NAA25: variants seen among roughly 807,000 people sequenced by gnomAD.
The protein encoded by NAA25 is N-alpha-acetyltransferase 25, NatB auxiliary subunit.
Under a neutral mutation model 132.5 loss-of-function variants are expected in NAA25, and 30 were observed. That is an observed-to-expected ratio of 0.23 (90% CI 0.17 to 0.31). The LOEUF is 0.31. Among genes scored for constraint, NAA25 ranks in the 10% least tolerant of loss-of-function variants. The pLI is 1.00. For synonymous variants in NAA25, 359 were observed against 401.9 expected, an observed-to-expected ratio of 0.89 and a Z score of 1.28; for missense variants, 771 against 1,150.4, an observed-to-expected ratio of 0.67 and a Z score of 4.77.
At chr12:112,089,601 C>T (rs2079102617) in intron 3 of NAA25, among the ~76,000 whole-genome samples, 1 of 151,892 alleles carries the variant, frequency 6.6e-6, no homozygotes, top group African/African-American at 2.4e-5. Flanking sequence ...TAATGTATTA[C>T]TAAGAGAAAT....
In NAA25 at chr12:112,043,666, T is replaced by A; in HGVS notation, c.2209A>T (p.Thr737Ser). ...ATAAATCGCTTTCCTGTCTCCAGGG[T>A]TGCCTCCAGCTGTTGAAGGAGCAAA... ...LRLLLQQLEA[T>S]LETGKRFIEK... The change falls in exon 18 of 24, where the codon ACC (threonine) becomes TCC (serine). Residue 737 changes from threonine to serine, a missense_variant. This residue lies in a region of NAA25 where 324 missense variants were observed against 400.0 expected (regional missense o/e 0.81). Transcript: ENST00000261745. The A allele has an allele frequency of 1.2e-6, 2 of 1,614,190 alleles. No homozygotes were observed. Among genetic ancestry groups the A allele is most frequent in the Non-Finnish European group, 1.7e-6 (2 of 1,180,038 alleles).
At chr12:112,057,102 C>T (rs922279365) in intron 13 of NAA25, among the ~76,000 whole-genome samples, 8 of 152,018 alleles carry the variant, frequency 5.3e-5, no homozygotes, top group Non-Finnish European at 1.2e-4. Context: ...GCAGGAGAAT[C>T]GCTTGAACTT....
chr12:112,039,124 T>C, intron 22 of NAA25, 105 bp downstream of exon 22: 2 of 568,102 alleles, frequency 3.5e-6, no homozygotes, highest in Non-Finnish European at 3.0e-6. Flanking sequence ...TGGAGAAGCT[T>C]GGCATATAGG....
chr12:112,103,978 T>C (rs1241816901), intron 1 of NAA25, among the ~76,000 whole-genome samples: 10 of 152,136 alleles, frequency 6.6e-5, no homozygotes, highest in African/African-American at 2.2e-4. Flanking sequence ...CACCTCCTAC[T>C]GTGCGGCCCA....
chr12:112,108,072 T>A (rs2079390304), intron 1 of NAA25, among the ~76,000 whole-genome samples: 1 of 151,580 alleles, frequency 6.6e-6, no homozygotes, highest in East Asian at 2.0e-4. Context: ...GCTATCACAA[T>A]CTCTTCACCG....
intron 18 of NAA25, 106 bp from the exon 19 acceptor site, chr12:112,043,317 TA>T: frequency 8.5e-7 from 1 of 1,174,692 alleles, no homozygotes; most frequent in Non-Finnish European, 1.2e-6. Flanking sequence ...GCGGTTCAGC[TA>T]AAAGCCACTA....
chr12:112,078,803 A>G (rs2078929534), intron 5 of NAA25, 62 bp from the exon 6 acceptor site: 3 of 1,265,186 alleles, frequency 2.4e-6, no homozygotes, highest in East Asian at 2.3e-5. Flanking sequence ...TGATATTAAC[A>G]TTACTGTTAA....
intron 18 of NAA25, 35 bp downstream of exon 18, chr12:112,043,590 T>C (rs2078332503): frequency 1.9e-6 from 3 of 1,606,906 alleles, no homozygotes; most frequent in Non-Finnish European, 2.6e-6. Context: ...AATATAATTA[T>C]TGCAACTTTG....
chr12:112,038,478 G>T (rs1057291487), intron 22 of NAA25, among the ~76,000 whole-genome samples: 1 of 152,118 alleles, frequency 6.6e-6, no homozygotes, highest in African/African-American at 2.4e-5. Flanking sequence ...ACAAATGAGA[G>T]ATAAAACAAA....
intron 17 of NAA25, among the ~76,000 whole-genome samples, chr12:112,046,118 T>C (rs1399738381): frequency 6.6e-6 from 1 of 152,240 alleles, no homozygotes; most frequent in Non-Finnish European, 1.5e-5. Flanking sequence ...TGACTCGCTG[T>C]GCCTAGATTG....
intron 1 of NAA25, among the ~76,000 whole-genome samples, chr12:112,094,008 G>A (rs1247454187): frequency 6.6e-6 from 1 of 152,062 alleles, no homozygotes; most frequent in African/African-American, 2.4e-5. Flanking sequence ...GGGAGGCTGA[G>A]GTGGGTGGAT....
intron 23 of NAA25, among the ~76,000 whole-genome samples, chr12:112,030,806 T>C (rs1370089480): frequency 6.6e-6 from 1 of 152,190 alleles, no homozygotes; most frequent in African/African-American, 2.4e-5. Flanking sequence ...CGGTAACATA[T>C]GTAAAAGCAA....
chr12:112,068,557 T>C (rs775394638), intron 11 of NAA25, among the ~76,000 whole-genome samples: 2 of 151,842 alleles, frequency 1.3e-5, no homozygotes, highest in Non-Finnish European at 2.9e-5. Flanking sequence ...AAAGGATATA[T>C]GAGATGTGTT....
intron 11 of NAA25, chr12:112,064,053 A>G (rs539850577): frequency 6.6e-6 from 1 of 152,154 alleles, no homozygotes; most frequent in African/African-American, 2.4e-5. Context: ...CAGTATATGT[A>G]ATTTTTTGAT....
chr12:112,037,892 G>A (rs538476603), intron 22 of NAA25, among the ~76,000 whole-genome samples: 13 of 151,856 alleles, frequency 8.6e-5, no homozygotes, highest in Non-Finnish European at 1.8e-4. Flanking sequence ...TTAAGGAAGC[G>A]TTCTAGATTA....
intron 1 of NAA25, among the ~76,000 whole-genome samples, chr12:112,095,758 T>C (rs879758216): frequency 1.3e-5 from 2 of 152,198 alleles, no homozygotes; most frequent in Admixed American, 6.5e-5. Flanking sequence ...ATATAACTCC[T>C]ACATGGCATT....
intron 9 of NAA25, 33 bp from the exon 10 acceptor site, chr12:112,072,097 T>C: frequency 1.9e-6 from 3 of 1,587,732 alleles, no homozygotes; most frequent in East Asian, 4.5e-5. Flanking sequence ...GGAATTTTAT[T>C]GCCTCTATTG....
At chr12:112,104,519 T>C (rs551617060) in intron 1 of NAA25, among the ~76,000 whole-genome samples, 1 of 152,088 alleles carries the variant, frequency 6.6e-6, no homozygotes, top group African/African-American at 2.4e-5. Flanking sequence ...CCCTAATCCA[T>C]AACCACTGAA....
In NAA25 at chr12:112,090,738, C is replaced by T; in HGVS notation, c.271G>A (p.Glu91Lys). 1 of 1,611,830 alleles carries T rather than the reference C, an allele frequency of 6.2e-7. No homozygotes were observed. Among genetic ancestry groups the T allele is most frequent in the African/African-American group, 1.3e-5 (1 of 74,848 alleles). The stretch of plus-strand genomic sequence containing the variant: ...GAAAGAAACATACGTCGGTGCATCT[C>T]CCGGTAAAGGATAGTCAGTGCCTGC... ...SLQALTILYR[E>K]MHRPELVTKL... Residue 91 changes from glutamate (E) to lysine (K), a missense_variant, in exon 3 of 24, where the codon GAG becomes AAG. Transcript: ENST00000261745.
Sources: gnomAD v4.1 joint callset for allele counts (sites outside exome capture counted in the v4.1 genomes callset) on GRCh38, gnomAD v4.1.1 for gene constraint, gnomAD v4.1.1 regional missense constraint, MANE v1.5 for transcripts, NCBI Gene and HGNC (gene_info 2026-07-23, HGNC 2026-07-21) for gene names.